PRKCA: variants seen among roughly 807,000 people sequenced by gnomAD.
The protein encoded by PRKCA is protein kinase C alpha type.
In PRKCA, 27 loss-of-function variants were observed where a neutral mutation model predicts 87.0. The observed-to-expected ratio is 0.31, with a 90% CI of 0.23 to 0.43. The LOEUF is 0.43. Ranked by LOEUF, PRKCA falls within the 20% of genes least tolerant of loss-of-function variation. The probability of loss-of-function intolerance (pLI) is 1.00; values close to 1 mark genes in which losing one functional copy is unlikely to be tolerated. For synonymous variants in PRKCA, 329 were observed against 311.1 expected (o/e 1.06, Z -0.61); for missense variants, 518 against 852.3 (o/e 0.61, Z 4.88).
intron 1 of PRKCA, among the ~76,000 whole-genome samples, 162 bp from the exon 2 acceptor site, chr17:66,305,934 A>G (rs1199069179): frequency 3.3e-5 from 5 of 152,196 alleles, no homozygotes; most frequent in Non-Finnish European, 7.4e-5. Flanking sequence ...TTGAATTTAC[A>G]CAGTAATCTG....
At chr17:66,451,760 C>G (rs1914334921) in intron 2 of PRKCA, among the ~76,000 whole-genome samples, 1 of 152,090 alleles carries the variant, frequency 6.6e-6, no homozygotes, top group South Asian at 2.1e-4. Context: ...CCTTCCTGTC[C>G]ACAGCACTGC....
intron 8 of PRKCA, among the ~76,000 whole-genome samples, chr17:66,713,424 CAGAT>C (rs1284516064): frequency 6.6e-6 from 1 of 152,144 alleles, no homozygotes; most frequent in East Asian, 1.9e-4. Flanking sequence ...AATAACCCAT[CAGAT>C]AGGAATCTGC....
intron 2 of PRKCA, among the ~76,000 whole-genome samples, chr17:66,330,693 A>T (rs1320450500): frequency 6.6e-6 from 1 of 152,166 alleles, no homozygotes; most frequent in Non-Finnish European, 1.5e-5. Context: ...GACTGTAGGA[A>T]AAAGGTATTT....
intron 3 of PRKCA, among the ~76,000 whole-genome samples, chr17:66,621,215 G>C (rs1341869427): frequency 6.6e-6 from 1 of 152,178 alleles, no homozygotes; most frequent in Non-Finnish European, 1.5e-5. Flanking sequence ...ACCTAACAGA[G>C]CCAACCCAAC....
chr17:66,743,966 C>G (rs1974214647), intron 13 of PRKCA, among the ~76,000 whole-genome samples: 1 of 152,070 alleles, frequency 6.6e-6, no homozygotes, highest in African/African-American at 2.4e-5. Flanking sequence ...TCAGCGGCAC[C>G]TTAGGGATAA....
At chr17:66,667,256 C>A (rs980900897) in intron 5 of PRKCA, among the ~76,000 whole-genome samples, 14 of 152,146 alleles carry the variant, frequency 9.2e-5, no homozygotes, top group African/African-American at 3.1e-4. Context: ...ACAGATACAG[C>A]CTTGGCCTTT....
intron 2 of PRKCA, among the ~76,000 whole-genome samples, chr17:66,341,585 A>G (rs1287912440): frequency 6.6e-6 from 1 of 152,200 alleles, no homozygotes; most frequent in Non-Finnish European, 1.5e-5. Flanking sequence ...CACTTCCCAA[A>G]CAATCCTACG....
At chr17:66,592,819 G>C (rs562298321) in intron 3 of PRKCA, among the ~76,000 whole-genome samples, 1 of 152,248 alleles carries the variant, frequency 6.6e-6, no homozygotes, top group South Asian at 2.1e-4. Flanking sequence ...TTGAGACAAA[G>C]TCTCGCTCTG....
At chr17:66,463,499 G>T (rs944560204) in intron 2 of PRKCA, among the ~76,000 whole-genome samples, 1 of 151,838 alleles carries the variant, frequency 6.6e-6, no homozygotes, top group Non-Finnish European at 1.5e-5. Flanking sequence ...AAGCTCAAGC[G>T]ATTCTCCTGC....
chr17:66,715,586 TCTTTGTTTTCTAGA>T (rs1973453097), intron 8 of PRKCA, among the ~76,000 whole-genome samples: 1 of 152,160 alleles, frequency 6.6e-6, no homozygotes. Context: ...ACTGTTTGGA[TCTTTGTTTTCTAGA>T]AATAGAGCAC....
intron 2 of PRKCA, among the ~76,000 whole-genome samples, chr17:66,381,339 G>T (rs1304577556): frequency 2.0e-5 from 3 of 152,118 alleles, no homozygotes; most frequent in Non-Finnish European, 4.4e-5. Flanking sequence ...GGCCAATTAT[G>T]AGTCAGTTTT....
At chr17:66,572,716 C>T (rs1969117537) in intron 3 of PRKCA, among the ~76,000 whole-genome samples, 1 of 152,172 alleles carries the variant, frequency 6.6e-6, no homozygotes, top group Non-Finnish European at 1.5e-5. Context: ...AGGCTGGTCT[C>T]AAACTTCTGG....
At chr17:66,538,282 T>A (rs1212187986) in intron 3 of PRKCA, among the ~76,000 whole-genome samples, 5 of 152,180 alleles carry the variant, frequency 3.3e-5, no homozygotes, top group Non-Finnish European at 4.4e-5. Flanking sequence ...AGTTTCCTCT[T>A]CTGCAAAATG....
At chr17:66,782,058 C>T (rs558222826) in intron 14 of PRKCA, among the ~76,000 whole-genome samples, 72 of 151,880 alleles carry the variant, frequency 4.7e-4, no homozygotes, top group African/African-American at 1.7e-3. Flanking sequence ...GGACTACAGG[C>T]GCACTCTACC....
intron 2 of PRKCA, among the ~76,000 whole-genome samples, chr17:66,344,552 A>T (rs551203393): frequency 6.6e-6 from 1 of 152,232 alleles, no homozygotes; most frequent in Non-Finnish European, 1.5e-5. Context: ...TTATTAGCCT[A>T]TCCCCATGCT....
chr17:66,313,805 G>A (rs1228724815), intron 2 of PRKCA, among the ~76,000 whole-genome samples: 4 of 152,142 alleles, frequency 2.6e-5, no homozygotes. Context: ...AAATAATAAA[G>A]GTTTTTGTGC....
At chr17:66,677,810 A>G (rs1972377850) in intron 5 of PRKCA, among the ~76,000 whole-genome samples, 2 of 152,242 alleles carry the variant, frequency 1.3e-5, no homozygotes, top group Admixed American at 1.3e-4. Context: ...GAAACCTGTC[A>G]GTAAAGGCCT....
chr17:66,312,325 C>T (rs1328385189), intron 2 of PRKCA, among the ~76,000 whole-genome samples: 3 of 152,140 alleles, frequency 2.0e-5, no homozygotes, highest in Non-Finnish European at 2.9e-5. Flanking sequence ...TCCTGCCCTC[C>T]GAGTATTTCA....
chr17:66,472,004 C>T (rs566617190), intron 2 of PRKCA, among the ~76,000 whole-genome samples: 21 of 152,258 alleles, frequency 1.4e-4, no homozygotes, highest in South Asian at 2.1e-4. Flanking sequence ...CTGTGTTGCC[C>T]GGGCAGGAAT....
Sources: gnomAD v4.1 joint callset for allele counts (sites outside exome capture counted in the v4.1 genomes callset) on GRCh38, gnomAD v4.1.1 for gene constraint, MANE v1.5 for transcripts, NCBI Gene and HGNC (gene_info 2026-07-23, HGNC 2026-07-21) for gene names.